SIDT1: variants seen among roughly 807,000 people sequenced by gnomAD.
The protein encoded by SIDT1 is SID1 transmembrane family member 1.
SIDT1 carries 101 observed loss-of-function variants against 107.5 expected under a neutral mutation model. The observed-to-expected ratio is 0.94, with a 90% CI of 0.80 to 1.11. The LOEUF (loss-of-function observed/expected upper bound fraction) is 1.11, where lower values mean the gene tolerates loss of function less well. SIDT1 is among the 50% of genes least tolerant of loss of function. SIDT1 has a pLI of 0.00. For missense variants in SIDT1, 1,076 were observed against 1,058.2 expected (o/e 1.02, Z -0.23); for synonymous variants, 395 against 398.2 (o/e 0.99, Z 0.10).
In SIDT1 at chr3:113,580,719, G is replaced by C. The variant is rs1943260862; in HGVS notation, c.663+10G>C. On this transcript the variant is annotated intron_variant, in intron 5 of 24. Transcript: ENST00000264852. ...AGTCCAGAATATCATGGTGAGTGCT[G>C]ATAACTTGCCAACCTTCTACTATAG... 1.9e-6 allele frequency: 3 copies of C among 1,551,272 alleles called. No individual in the cohort carries two copies. The highest frequency in any genetic ancestry group is 2.7e-5 in the African/African-American group (2 of 73,622).
rs1947018881 is a variant in SIDT1 at position 113,628,936 on chromosome 3, G to A, written c.*1228G>A. On this transcript the variant is annotated 3_prime_UTR_variant, in exon 25 of 25. Coordinates refer to ENST00000264852, the MANE Select transcript of SIDT1 (RefSeq NM_017699.3). ...AGGTGTTGGCAAGCTCAGCATCTGG[G>A]TTCCACTCTCACACTGTCTGGCAGC... is the stretch of plus-strand genomic sequence containing the variant. 1 of 152,180 alleles carries A rather than the reference G, an allele frequency of 6.6e-6. No individual in the cohort carries two copies. The highest frequency in any genetic ancestry group is 2.4e-5 in the African/African-American group (1 of 41,436). 9.4% of individuals were successfully genotyped at this position (152,180 alleles called of 1,614,324 possible).
chr3:113,583,606 C>T (rs1943526952), intron 7 of SIDT1, 110 bp downstream of exon 7: 1 of 677,144 alleles, frequency 1.5e-6, no homozygotes, highest in Non-Finnish European at 2.4e-6. Flanking sequence ...TTGGTTCCAT[C>T]ATCATGATGG....
At chr3:113,626,435 A>AAT (rs1946855581) in intron 24 of SIDT1, among the ~76,000 whole-genome samples, 1 of 152,128 alleles carries the variant, frequency 6.6e-6, no homozygotes, top group East Asian at 1.9e-4. Context: ...CTTTAGACAC[A>AAT]GAGGGACAAA....
At chr3:113,572,385 A>C (rs114217336) in intron 3 of SIDT1, among the ~76,000 whole-genome samples, 192 of 152,332 alleles carry the variant, frequency 1.3e-3, no homozygotes, top group Non-Finnish European at 2.1e-3. Flanking sequence ...TGGGCAAGAC[A>C]GGGTTACAGG....
chr3:113,588,037 T>TC (rs1202229456), intron 9 of SIDT1, among the ~76,000 whole-genome samples: 3 of 152,222 alleles, frequency 2.0e-5, no homozygotes, highest in Non-Finnish European at 4.4e-5. Context: ...TCCTGATGTT[T>TC]TAGATTTTAG....
chr3:113,566,638 A>T, intron 2 of SIDT1, 97 bp downstream of exon 2: 1 of 1,389,040 alleles, frequency 7.2e-7, no homozygotes, highest in Non-Finnish European at 9.9e-7. Flanking sequence ...GAAAAATCAG[A>T]CATTTGGAAT....
intron 6 of SIDT1, 107 bp from the exon 7 acceptor site, chr3:113,583,302 C>T: frequency 1.4e-6 from 1 of 733,616 alleles, no homozygotes; most frequent in Non-Finnish European, 2.2e-6. Flanking sequence ...CAGGGGTGAA[C>T]TTTATTTTCC....
chr3:113,543,529 C>G (rs1471716036), intron 1 of SIDT1, among the ~76,000 whole-genome samples: 1 of 152,106 alleles, frequency 6.6e-6, no homozygotes, highest in Non-Finnish European at 1.5e-5. Flanking sequence ...CTCCCACCCA[C>G]TCATGTTTCG....
chr3:113,537,506 C>T (rs904249857), intron 1 of SIDT1, among the ~76,000 whole-genome samples: 3 of 152,228 alleles, frequency 2.0e-5, no homozygotes, highest in Non-Finnish European at 2.9e-5. Flanking sequence ...GGAATGCTTA[C>T]TCTTTATGTA....
intron 3 of SIDT1, among the ~76,000 whole-genome samples, chr3:113,570,694 G>A (rs1560052452): frequency 6.6e-6 from 1 of 152,344 alleles, no homozygotes; most frequent in South Asian, 2.1e-4. Flanking sequence ...TGATGGTAAT[G>A]AGGAAGAGCT....
At chr3:113,620,044 GATGATAGATAA>G (rs2107797686) in intron 21 of SIDT1, 2 of 203,422 alleles carry the variant, frequency 9.8e-6, no homozygotes, top group East Asian at 1.3e-4. Flanking sequence ...TAGATAGATA[GATGATAGATAA>G]ATAGATAGAT....
chr3:113,560,742 C>A (rs1941354419), intron 1 of SIDT1, among the ~76,000 whole-genome samples: 1 of 152,108 alleles, frequency 6.6e-6, no homozygotes, highest in African/African-American at 2.4e-5. Flanking sequence ...ATAATAGAGG[C>A]TATAGTCTCA....
At chr3:113,564,540 G>C (rs1941728115) in intron 1 of SIDT1, among the ~76,000 whole-genome samples, 2 of 152,172 alleles carry the variant, frequency 1.3e-5, no homozygotes, top group Non-Finnish European at 2.9e-5. Flanking sequence ...TGAGCTATGA[G>C]AGTGTCACTG....
chr3:113,608,179 C>G lies in SIDT1; in HGVS notation c.1564C>G (p.His522Asp), dbSNP rs773054626. 3.1e-6 allele frequency: 5 copies of G among 1,609,362 alleles called. No homozygotes were observed. Among genetic ancestry groups the G allele is most frequent in the Admixed American group, 3.4e-5 (2 of 59,094 alleles). The change falls in exon 16 of 25, where the codon CAT becomes GAT. Residue 522 changes from histidine (H) to aspartate (D), a missense_variant. Physicochemically the swap from His to Asp is moderately conservative, Grantham distance 81 (BLOSUM62 -1). Transcript: ENST00000264852. ...GATAGTCTTGCGCCGCGACATCCTC[C>G]ATCGGAGAGCCCTGGAAGCCAAGGA... ...LLIVLRRDIL[H>D]RRALEAKDIF...
intron 1 of SIDT1, among the ~76,000 whole-genome samples, chr3:113,547,025 T>C (rs1939669140): frequency 6.6e-6 from 1 of 152,120 alleles, no homozygotes; most frequent in Admixed American, 6.5e-5. Context: ...AAGCATATCA[T>C]GGATCTGCCA....
chr3:113,603,362 G>GCA (rs757221530), intron 12 of SIDT1, among the ~76,000 whole-genome samples: 112 of 152,192 alleles, frequency 7.4e-4, no homozygotes, highest in South Asian at 1.9e-3. Context: ...ACATTAAAGA[G>GCA]CACAGGGCAT....
intron 1 of SIDT1, among the ~76,000 whole-genome samples, chr3:113,545,792 G>A (rs2107624860): frequency 6.6e-6 from 1 of 152,304 alleles, no homozygotes; most frequent in African/African-American, 2.4e-5. Context: ...AATTATATCA[G>A]TGATACCTAA....
chr3:113,626,161 T>C lies in SIDT1; in HGVS notation c.2367T>C (p.Asp789=), dbSNP rs780769221. 1 of 1,614,178 alleles carries C rather than the reference T, an allele frequency of 6.2e-7. No homozygotes were observed. The highest frequency in any genetic ancestry group is 1.1e-5 in the South Asian group (1 of 91,076). Residue 789 remains aspartate (D), a synonymous_variant, in exon 24 of 25, where the codon GAT becomes GAC. Transcript: ENST00000264852. The stretch of plus-strand genomic sequence containing the variant: ...AGTGCATTCTGCTGGATTTCTTCGA[T>C]GACCATGACATCTGGCACTTCCTCT... ...NRECILLDFF[D]DHDIWHFLSA... is the part of the protein sequence containing the mutation.
At chr3:113,588,876 A>G (rs1943935959) in intron 9 of SIDT1, 2 of 151,790 alleles carry the variant, frequency 1.3e-5, no homozygotes, top group South Asian at 4.2e-4. Flanking sequence ...TCACAAATCT[A>G]TGGGTCAGCT....
Sources: gnomAD v4.1 joint callset for allele counts (sites outside exome capture counted in the v4.1 genomes callset) on GRCh38, gnomAD v4.1.1 for gene constraint, MANE v1.5 for transcripts, NCBI Gene and HGNC (gene_info 2026-07-23, HGNC 2026-07-21) for gene names.